The following EEA1 variants were observed in gnomAD, a reference collection of about 807,000 sequenced individuals.
EEA1 encodes early endosome antigen 1, 162kD.
A neutral mutation model predicts 209.2 loss-of-function variants in EEA1; 111 were observed. The observed-to-expected ratio is 0.53, with a 90% CI of 0.45 to 0.62. The LOEUF is 0.62. EEA1 is among the 20% of genes least tolerant of loss of function. The pLI is 0.00. For synonymous variants in EEA1, 536 were observed against 540.6 expected, an observed-to-expected ratio of 0.99 and a Z score of 0.12; for missense variants, 1,343 against 1,530.8, an observed-to-expected ratio of 0.88 and a Z score of 2.05.
At position 92,870,677 on chromosome 12, in the gene EEA1, C is replaced by T. The variant is rs377142857; in HGVS notation, c.118-5690G>A. On this transcript the variant is annotated intron_variant, in intron 2 of 28. Transcript: ENST00000322349. ...AGTCTTTTTCCTTTTTTTTTTTTGG[C>T]GGTGGTGGGGCAGGGACGGGACAGA... Among the ~76,000 whole-genome samples, 359 of 149,296 alleles carry T rather than the reference C, an allele frequency of 2.4e-3. 3 individuals carry two copies. The highest frequency in any genetic ancestry group is 8.2e-3 in the African/African-American group (332 of 40,558).
In EEA1 at chr12:92,781,940, C is replaced by T. The variant is rs956394642; in HGVS notation, c.3336+10G>A. On this transcript the variant is annotated intron_variant, in intron 23 of 28. Coordinates refer to ENST00000322349, the MANE Select transcript of EEA1 (RefSeq NM_003566.4). ...TAAGATTGTAGATTTAGGTCAGAAACATGCAATACCTTTTCTTTCTGAATG... is the reference window on the plus strand; with the variant it reads ...TAAGATTGTAGATTTAGGTCAGAAATATGCAATACCTTTTCTTTCTGAATG... 1 of 1,595,258 alleles carries T rather than the reference C, an allele frequency of 6.3e-7. No individual in the cohort carries two copies. Among genetic ancestry groups the T allele is most frequent in the Non-Finnish European group, 8.6e-7 (1 of 1,168,856 alleles).
chr12:92,882,451 T>A (rs1360654767), intron 2 of EEA1, among the ~76,000 whole-genome samples: 6 of 151,792 alleles, frequency 4.0e-5, no homozygotes, highest in Non-Finnish European at 8.8e-5. Context: ...AGAGGGTGTA[T>A]GTGCAGGTTT....
intron 18 of EEA1, 90 bp from the exon 19 acceptor site, chr12:92,802,824 T>C: frequency 9.3e-7 from 1 of 1,073,562 alleles, no homozygotes; most frequent in Non-Finnish European, 1.3e-6. Flanking sequence ...AATTACTGAG[T>C]TCTGAAACTT....
intron 5 of EEA1, among the ~76,000 whole-genome samples, chr12:92,855,306 TG>T (rs1477644938): frequency 2.0e-5 from 3 of 152,240 alleles, no homozygotes; most frequent in Non-Finnish European, 2.9e-5. Flanking sequence ...CGGACGTGCC[TG>T]TAGTCCCAGC....
chr12:92,882,546 G>A (rs1192928072), intron 2 of EEA1, among the ~76,000 whole-genome samples: 3 of 150,282 alleles, frequency 2.0e-5, no homozygotes, highest in African/African-American at 7.4e-5. Context: ...CCCAACAGTC[G>A]GATTTTCAAC....
At chr12:92,783,213 G>C (rs1873984738) in intron 22 of EEA1, among the ~76,000 whole-genome samples, 1 of 152,160 alleles carries the variant, frequency 6.6e-6, no homozygotes, top group African/African-American at 2.4e-5. Context: ...AGCAGTCTTG[G>C]GGATTGAGCC....
rs1008915119 is a variant in EEA1, at chr12:92,919,106, A to G, written c.24+9937T>C. 5.1e-3 allele frequency among the ~76,000 whole-genome samples: 777 copies of G among 151,588 alleles called. 2 individuals carry two copies. The highest frequency in any genetic ancestry group is 8.4e-3 in the Non-Finnish European group (567 of 67,756). ...ATCTGAAATTGTGGCAATAATCAAT[A>G]GCTTACCAACCAAAAAGGGTCCAGG... On this transcript the variant is annotated intron_variant, in intron 1 of 28. Transcript: ENST00000322349.
At position 92,924,248 on chromosome 12, in the gene EEA1, C is replaced by T. The variant is rs11831848; in HGVS notation, c.24+4795G>A. Among the ~76,000 whole-genome samples the T allele has an allele frequency of 5.6e-3, 823 of 147,386 alleles. 9 individuals are homozygous for T. Among genetic ancestry groups the T allele is most frequent in the African/African-American group, 0.02 (775 of 39,522 alleles). The stretch of plus-strand genomic sequence containing the variant: ...TTGGGATGGAGTTTTGCTTGTTGCC[C>T]AGGCTGGAGAGTGCAATGGCACAAT... On this transcript the variant is annotated intron_variant, in intron 1 of 28. Transcript: ENST00000322349.
intron 11 of EEA1, among the ~76,000 whole-genome samples, chr12:92,829,942 G>A (rs1876541014): frequency 1.3e-5 from 2 of 149,990 alleles, no homozygotes; most frequent in South Asian, 2.1e-4. Flanking sequence ...TTAAAGATAT[G>A]TACATGCTTA....
At chr12:92,928,830 C>T (rs994708358) in intron 1 of EEA1, among the ~76,000 whole-genome samples, 14 of 151,126 alleles carry the variant, frequency 9.3e-5, no homozygotes, top group African/African-American at 3.4e-4. Context: ...GGCCTGGACG[C>T]GCGGGGCCAC....
chr12:92,929,173 G>T lies in EEA1; in HGVS notation c.-107C>A. 1 of 1,232,242 alleles carries T rather than the reference G, an allele frequency of 8.1e-7. No homozygotes were observed. Among genetic ancestry groups the T allele is most frequent in the Non-Finnish European group, 1.1e-6 (1 of 884,084 alleles). The allele number at this position is 1,232,242 out of a possible 1,614,324, so 76.3% of individuals were successfully genotyped here. A position where few individuals can be genotyped will look rare whatever the true frequency, so the allele number is the denominator to read the frequency against. The stretch of plus-strand genomic sequence containing the variant: ...GAGGGACTGGGCCGGGAGGGGACCG[G>T]GAAGGAGGTCGGGGCGAGGCGGTGG... On this transcript the variant is annotated 5_prime_UTR_variant, in exon 1 of 29. Coordinates refer to ENST00000322349, the MANE Select transcript of EEA1 (RefSeq NM_003566.4).
chr12:92,809,416 T>C (rs1875380153), intron 17 of EEA1, among the ~76,000 whole-genome samples: 1 of 150,648 alleles, frequency 6.6e-6, no homozygotes, highest in Non-Finnish European at 1.5e-5. Flanking sequence ...CTGGGCGCGG[T>C]GGCTCACACC....
intron 5 of EEA1, among the ~76,000 whole-genome samples, chr12:92,854,540 T>A (rs1877782462): frequency 6.6e-6 from 1 of 152,246 alleles, no homozygotes. Context: ...TGACCTCAAC[T>A]ACTGGACTTC....
intron 2 of EEA1, among the ~76,000 whole-genome samples, chr12:92,888,532 G>A (rs956736273): frequency 2.1e-4 from 31 of 151,138 alleles, no homozygotes; most frequent in African/African-American, 6.1e-4. Flanking sequence ...AGCCGAGATC[G>A]CGCCACTGCA....
Position 92,777,559 on chromosome 12 carries a change from T to C in EEA1, c.3998A>G (p.Glu1333Gly). 1 of 1,611,872 alleles carries C rather than the reference T, an allele frequency of 6.2e-7. No individual in the cohort carries two copies. The highest frequency in any genetic ancestry group is 8.5e-7 in the Non-Finnish European group (1 of 1,178,512). Residue 1333 changes from glutamate (E) to glycine (G), a missense_variant, in exon 27 of 29, where the codon GAA (glutamate) becomes GGA (glycine). Physicochemically the swap from Glu to Gly is moderately conservative, Grantham distance 98 (BLOSUM62 -2). Around this residue, in one of 3 missense-constraint regions of EEA1, gnomAD observed 1,307 missense variants for 1,465.5 expected, o/e 0.89. Transcript: ENST00000322349. ...GTGACTGACCTGAAGTGATTGGTTT[T>C]CTCTGCCCAGCTCCTGCACTGCTGC... is the stretch of plus-strand genomic sequence containing the variant. ...TTAAVQELGR[E>G]NQSLQIKHTQ...
chr12:92,793,386 T>A (rs12302694), intron 21 of EEA1, among the ~76,000 whole-genome samples: 204 of 152,270 alleles, frequency 1.3e-3, no homozygotes, highest in African/African-American at 4.8e-3. Flanking sequence ...AAAACCCCAT[T>A]GTCTCAGTCC....
intron 23 of EEA1, among the ~76,000 whole-genome samples, chr12:92,780,676 T>C (rs1441710222): frequency 6.6e-6 from 1 of 152,212 alleles, no homozygotes; most frequent in Admixed American, 6.5e-5. Context: ...ACTGCAAAAC[T>C]ACGATTCTTA....
intron 1 of EEA1, among the ~76,000 whole-genome samples, chr12:92,924,519 T>C (rs1881135759): frequency 6.6e-6 from 1 of 152,088 alleles, no homozygotes; most frequent in Non-Finnish European, 1.5e-5. Flanking sequence ...GAGACTTTTA[T>C]ACATATTAGT....
chr12:92,802,513 T>G lies in EEA1; in HGVS notation c.2561A>C (p.Glu854Ala). The G allele has an allele frequency of 6.3e-7, 1 of 1,596,150 alleles. No individual in the cohort carries two copies. The highest frequency in any genetic ancestry group is 8.5e-7 in the Non-Finnish European group (1 of 1,174,708). ...TAGTTTGTCCTTTACTGTAGAAAGC[T>G]CTGTCATTAAAGCTTCTTTCTCCAT... is the stretch of plus-strand genomic sequence containing the variant. ...VKMEKEALMT[E>A]LSTVKDKLSK... Residue 854 changes from glutamate (E) to alanine (A), a missense_variant, in exon 19 of 29, where the codon GAG (glutamate) becomes GCG (alanine). Coordinates refer to ENST00000322349, the MANE Select transcript of EEA1 (RefSeq NM_003566.4).
Sources: gnomAD v4.1 joint callset for allele counts (sites outside exome capture counted in the v4.1 genomes callset) on GRCh38, gnomAD v4.1.1 for gene constraint, gnomAD v4.1.1 regional missense constraint, MANE v1.5 for transcripts, NCBI Gene and HGNC (gene_info 2026-07-23, HGNC 2026-07-21) for gene names.